Variants in HTR1F observed in about 807,000 individuals in gnomAD.
The protein encoded by HTR1F is 5-hydroxytryptamine (serotonin) receptor 1F, G protein-coupled.
A neutral mutation model predicts 24.0 loss-of-function variants in HTR1F; 17 were observed. The ratio of observed to expected loss-of-function variants is 0.71; its 90% CI spans 0.48 to 1.06. The LOEUF is 1.06. HTR1F is among the 50% of genes least tolerant of loss of function. The pLI, the probability that HTR1F is intolerant of heterozygous loss-of-function variation, is 0.00. For missense variants in HTR1F, 391 were observed against 427.8 expected (o/e 0.91, Z 0.76); for synonymous variants, 186 against 156.8 (o/e 1.19, Z -1.39).
intron 2 of HTR1F, among the ~76,000 whole-genome samples, chr3:87,913,624 T>A (rs1703828092): frequency 6.6e-6 from 1 of 152,162 alleles, no homozygotes; most frequent in Admixed American, 6.6e-5. Context: ...TAAAGACACA[T>A]GTATCCATAC....
intron 2 of HTR1F, among the ~76,000 whole-genome samples, chr3:87,960,953 G>T (rs1705046038): frequency 6.6e-6 from 1 of 151,794 alleles, no homozygotes; most frequent in Non-Finnish European, 1.5e-5. Flanking sequence ...TTTCCTAACT[G>T]TGTTTTCTAA....
At chr3:87,852,249 T>C (rs1385980311) in intron 2 of HTR1F, among the ~76,000 whole-genome samples, 1 of 151,702 alleles carries the variant, frequency 6.6e-6, no homozygotes, top group African/African-American at 2.4e-5. Flanking sequence ...CTATTTTTTA[T>C]TGGATTTTAG....
At chr3:87,946,206 G>A (rs1477359497) in intron 2 of HTR1F, among the ~76,000 whole-genome samples, 1 of 152,218 alleles carries the variant, frequency 6.6e-6, no homozygotes, top group Non-Finnish European at 1.5e-5. Flanking sequence ...GCCGGATCCA[G>A]AGGGGTGGAA....
chr3:87,937,082 C>A (rs1453718255), intron 2 of HTR1F, among the ~76,000 whole-genome samples: 1 of 69,590 alleles, frequency 1.4e-5, no homozygotes. Flanking sequence ...TTGAAACTAC[C>A]CAAAAAAAAA....
intron 2 of HTR1F, among the ~76,000 whole-genome samples, chr3:87,981,511 T>G (rs1424029081): frequency 6.6e-6 from 1 of 152,178 alleles, no homozygotes; most frequent in Admixed American, 6.5e-5. Context: ...GTGGGTTTTA[T>G]TCACAGTAGT....
intron 2 of HTR1F, among the ~76,000 whole-genome samples, chr3:87,884,208 G>T (rs1029682133): frequency 1.3e-5 from 2 of 152,140 alleles, no homozygotes; most frequent in African/African-American, 2.4e-5. Context: ...TTAAAGAAAA[G>T]AATTTTCACC....
chr3:87,909,175 C>T (rs1703724782), intron 2 of HTR1F, among the ~76,000 whole-genome samples: 10 of 151,962 alleles, frequency 6.6e-5, no homozygotes, highest in African/African-American at 1.9e-4. Context: ...TCTTCCCCTG[C>T]TGTGCAAAGG....
Position 87,876,084 on chromosome 3 carries a change from TA to T in HTR1F, c.-43+53967del, listed in dbSNP as rs1047859959. ...GCTTCACATTTATACGTCCACTACT[TA>T]AAAAAACACATAAAATAACAAGTGT... On this transcript the variant is annotated intron_variant, in intron 2 of 2. Coordinates refer to ENST00000319595, the MANE Select transcript of HTR1F (RefSeq NM_001322209.2). Among the ~76,000 whole-genome samples the T allele has an allele frequency of 2.6e-5, 4 of 152,180 alleles. No individual in the cohort carries two copies. In the East Asian group the frequency reaches 7.7e-4, roughly 29 times the overall value.
chr3:87,975,880 A>G (rs956003416), intron 2 of HTR1F, among the ~76,000 whole-genome samples: 7 of 152,230 alleles, frequency 4.6e-5, no homozygotes, highest in African/African-American at 1.7e-4. Context: ...ACTGCTGAAC[A>G]TTCTGTAATA....
At chr3:87,978,947 G>A in intron 2 of HTR1F, among the ~76,000 whole-genome samples, 1 of 82,036 alleles carries the variant, frequency 1.2e-5, no homozygotes, top group East Asian at 5.3e-4. Flanking sequence ...AGAGAGAGAT[G>A]GGAAAGACTG....
At chr3:87,979,490 A>AGTTAG (rs1272348899) in intron 2 of HTR1F, among the ~76,000 whole-genome samples, 24 of 152,078 alleles carry the variant, frequency 1.6e-4, no homozygotes, top group African/African-American at 4.8e-4. Context: ...GAGTTTAGGG[A>AGTTAG]CTCTGAAAAA....
At chr3:87,886,249 A>G (rs914025810) in intron 2 of HTR1F, among the ~76,000 whole-genome samples, 20 of 152,228 alleles carry the variant, frequency 1.3e-4, no homozygotes, top group African/African-American at 4.8e-4. Context: ...CCACATGATT[A>G]TCTCAATAGA....
rs2107306406 is a variant in HTR1F at position 87,891,402 on chromosome 3, A to T, written c.-43+69278A>T. Among the ~76,000 whole-genome samples, 2 of 152,318 alleles carry T rather than the reference A, an allele frequency of 1.3e-5. 1 individual carries two copies. The highest frequency in any genetic ancestry group is 1.3e-4 in the Admixed American group (2 of 15,298). ...ACATTTAACACCACTTATGAACCTCATTAATTCAATTTCTTTAGACATTTT... is the reference window on the plus strand; with the variant it reads ...ACATTTAACACCACTTATGAACCTCTTTAATTCAATTTCTTTAGACATTTT... On this transcript the variant is annotated intron_variant, in intron 2 of 2. Coordinates refer to ENST00000319595, the MANE Select transcript of HTR1F (RefSeq NM_001322209.2).
intron 1 of HTR1F, among the ~76,000 whole-genome samples, chr3:87,818,562 C>T (rs1704293066): frequency 6.6e-6 from 1 of 152,176 alleles, no homozygotes; most frequent in Non-Finnish European, 1.5e-5. Context: ...AAGAGACCTG[C>T]AGTCCTGCCA....
At chr3:87,982,718 C>G (rs1333485611) in intron 2 of HTR1F, among the ~76,000 whole-genome samples, 3 of 152,196 alleles carry the variant, frequency 2.0e-5, no homozygotes, top group African/African-American at 7.2e-5. Flanking sequence ...CAGAGGAGAG[C>G]ACTCTGATAA....
chr3:87,991,085 G>A lies in HTR1F; in HGVS notation c.336G>A (p.Leu112=). ...VDITCCTCSI[L]HLSAIALDRY... ...TTACCTGCTGCACGTGCTCCATCTT[G>A]CATCTCTCAGCTATAGCTTTGGATC... The change falls in exon 3 of 3, where the codon TTG becomes TTA. Residue 112 remains leucine (L), a synonymous_variant. Transcript: ENST00000319595. 1 of 1,613,850 alleles carries A rather than the reference G, an allele frequency of 6.2e-7. No homozygotes were observed. The highest frequency in any genetic ancestry group is 8.5e-7 in the Non-Finnish European group (1 of 1,180,014).
At chr3:87,920,935 C>G (rs1157382042) in intron 2 of HTR1F, among the ~76,000 whole-genome samples, 1 of 152,138 alleles carries the variant, frequency 6.6e-6, no homozygotes, top group East Asian at 1.9e-4. Context: ...CCTCTTGCTT[C>G]TCCTCTTTCT....
intron 2 of HTR1F, among the ~76,000 whole-genome samples, chr3:87,869,984 G>A (rs1281907960): frequency 6.6e-6 from 1 of 151,940 alleles, no homozygotes; most frequent in Non-Finnish European, 1.5e-5. Context: ...CCTATCATTA[G>A]TAAACTATAG....
At chr3:87,809,221 C>T (rs2107091526) in intron 1 of HTR1F, among the ~76,000 whole-genome samples, 1 of 151,604 alleles carries the variant, frequency 6.6e-6, no homozygotes, top group Non-Finnish European at 1.5e-5. Context: ...AAAATTTTTC[C>T]TCAGCAATAT....
Sources: allele counts gnomAD v4.1 joint callset (sites outside exome capture counted in the v4.1 genomes callset), GRCh38; gene constraint gnomAD v4.1.1; transcripts MANE v1.5; gene names NCBI Gene and HGNC (gene_info 2026-07-23, HGNC 2026-07-21).